The following SUSD1 variants were observed in gnomAD, a reference collection of about 807,000 sequenced individuals.
SUSD1 encodes sushi domain containing 1, also known as sushi domain-containing protein 1.
SUSD1 carries 65 observed loss-of-function variants against 86.9 expected under a neutral mutation model. That is an observed-to-expected ratio of 0.75 (90% CI 0.61 to 0.92). The LOEUF is 0.92. Ranked by LOEUF, SUSD1 falls within the 40% of genes least tolerant of loss-of-function variation. SUSD1 has a pLI of 0.00. For missense variants in SUSD1, 850 were observed against 929.7 expected (o/e 0.91, Z 1.11); for synonymous variants, 346 against 350.0 (o/e 0.99, Z 0.13).
intron 2 of SUSD1, among the ~76,000 whole-genome samples, chr9:112,154,766 A>T (rs1196015177): frequency 1.3e-5 from 2 of 152,164 alleles, no homozygotes; most frequent in African/African-American, 4.8e-5. Context: ...GGCGTCTAGA[A>T]TTCTCAAGAC....
intron 14 of SUSD1, among the ~76,000 whole-genome samples, chr9:112,053,013 C>T (rs1391983746): frequency 6.6e-6 from 1 of 152,066 alleles, no homozygotes; most frequent in Non-Finnish European, 1.5e-5. Flanking sequence ...ATCTCTTCCC[C>T]CCTGTCATTA....
At chr9:112,059,014 G>A (rs1390805517) in intron 13 of SUSD1, among the ~76,000 whole-genome samples, 3 of 152,130 alleles carry the variant, frequency 2.0e-5, no homozygotes, top group Non-Finnish European at 2.9e-5. Flanking sequence ...GGCTTGTCTC[G>A]ATCTCTTGAC....
chr9:112,143,671 G>GAAAAAAAA, intron 3 of SUSD1, 48 bp from the exon 4 acceptor site: 1 of 1,329,802 alleles, frequency 7.5e-7, no homozygotes, highest in Non-Finnish European at 1.0e-6. Flanking sequence ...ACAGAAAAAA[G>GAAAAAAAA]AAAAAAAAAA....
chr9:112,154,122 A>T (rs914457884), intron 2 of SUSD1, among the ~76,000 whole-genome samples: 1 of 152,156 alleles, frequency 6.6e-6, no homozygotes, highest in Non-Finnish European at 1.5e-5. Context: ...TAACCAAAAC[A>T]TCGTTATATG....
At chr9:112,142,139 G>A (rs530096421) in intron 5 of SUSD1, among the ~76,000 whole-genome samples, 181 bp downstream of exon 5, 1 of 152,104 alleles carries the variant, frequency 6.6e-6, no homozygotes. Context: ...ATTATGATTT[G>A]CAGATGATAT....
intron 10 of SUSD1, among the ~76,000 whole-genome samples, chr9:112,083,424 C>T (rs1829850269): frequency 6.6e-6 from 1 of 152,064 alleles, no homozygotes; most frequent in Non-Finnish European, 1.5e-5. Context: ...AACAGGGTTT[C>T]ACCATGTTGG....
intron 1 of SUSD1, among the ~76,000 whole-genome samples, chr9:112,158,388 A>G (rs1415357529): frequency 1.3e-5 from 2 of 150,024 alleles, no homozygotes; most frequent in African/African-American, 2.5e-5. Context: ...CTTCCCCACT[A>G]CTCCATTTTT....
chr9:112,127,135 G>C (rs916052124), intron 5 of SUSD1, among the ~76,000 whole-genome samples: 1 of 152,166 alleles, frequency 6.6e-6, no homozygotes, highest in Admixed American at 6.5e-5. Flanking sequence ...ACTTTGGGAG[G>C]CCGAGGCAGG....
chr9:112,078,493 TC>T (rs1829618182), intron 12 of SUSD1, 44 bp downstream of exon 12: 1 of 1,562,752 alleles, frequency 6.4e-7, no homozygotes, highest in Non-Finnish European at 8.8e-7. Flanking sequence ...TATGAACAAT[TC>T]TGTGGTAACT....
intron 6 of SUSD1, among the ~76,000 whole-genome samples, chr9:112,115,315 G>GT (rs1461799781): frequency 6.6e-6 from 1 of 152,178 alleles, no homozygotes; most frequent in Non-Finnish European, 1.5e-5. Flanking sequence ...CCTAGATTCT[G>GT]TGTCCCACAT....
chr9:112,126,595 T>C (rs936248128), intron 5 of SUSD1, among the ~76,000 whole-genome samples: 3 of 152,178 alleles, frequency 2.0e-5, no homozygotes, highest in Admixed American at 2.0e-4. Flanking sequence ...AACAGAGCTA[T>C]TCAAGTTGAA....
chr9:112,088,954 A>G (rs1476380044), intron 10 of SUSD1, among the ~76,000 whole-genome samples: 4 of 152,226 alleles, frequency 2.6e-5, no homozygotes, highest in African/African-American at 9.6e-5. Context: ...AAAAAGTTTT[A>G]AAATTAGCTG....
In SUSD1 at chr9:112,052,379, T is replaced by C. The variant is rs753097479; in HGVS notation, c.2149+20A>G. 19 of 1,613,838 alleles carry C rather than the reference T, an allele frequency of 1.2e-5. No individual in the cohort carries two copies. The Admixed American group carries it at 2.7e-4, about 23-fold the overall frequency. On this transcript the variant is annotated intron_variant, in intron 15 of 16. Transcript: ENST00000374270. ...AGAAAAGAAATAAGGACAGCATTCA[T>C]AGGCAGAAAATAATTTTACCTTTCA... is the stretch of plus-strand genomic sequence containing the variant.
At chr9:112,097,173 A>G (rs888019338) in intron 10 of SUSD1, among the ~76,000 whole-genome samples, 1 of 151,804 alleles carries the variant, frequency 6.6e-6, no homozygotes, top group Non-Finnish European at 1.5e-5. Context: ...TAAAAATACA[A>G]AAATTAGCTG....
chr9:112,099,887 C>T (rs1180853575), intron 9 of SUSD1, among the ~76,000 whole-genome samples: 1 of 152,218 alleles, frequency 6.6e-6, no homozygotes, highest in Non-Finnish European at 1.5e-5. Flanking sequence ...AAGGTCCTTA[C>T]AGATAAACCA....
chr9:112,141,711 T>C (rs567453642), intron 5 of SUSD1, among the ~76,000 whole-genome samples: 1 of 146,428 alleles, frequency 6.8e-6, no homozygotes, highest in Non-Finnish European at 1.5e-5. Flanking sequence ...ATATATAATA[T>C]ATTACATGTA....
At chr9:112,152,234 T>C (rs1223023671) in intron 2 of SUSD1, among the ~76,000 whole-genome samples, 3 of 151,454 alleles carry the variant, frequency 2.0e-5, no homozygotes, top group Non-Finnish European at 4.4e-5. Flanking sequence ...CTTTCTTCAA[T>C]AATAAATTAA....
chr9:112,066,050 G>A (rs1828962913), intron 12 of SUSD1, among the ~76,000 whole-genome samples: 1 of 152,192 alleles, frequency 6.6e-6, no homozygotes, highest in Non-Finnish European at 1.5e-5. Context: ...GCTCAGGCAG[G>A]CCGAGTCACA....
rs573344560 is a variant in SUSD1 at position 112,041,727 on chromosome 9, C to T, written c.2243+140G>A. On this transcript the variant is annotated intron_variant, in intron 16 of 16. Transcript: ENST00000374270. ...GTACAGGGTTAGTCATGCCTTTCAC[C>T]GCTGAGTGTGCTCTGCTGAGCCAAG... The T allele has an allele frequency of 5.1e-6, 4 of 789,746 alleles. No individual in the cohort carries two copies. The African/African-American group carries it at 5.1e-5, about 10-fold the overall frequency. 48.9% of individuals were successfully genotyped at this position (789,746 alleles called of 1,614,324 possible). A position where few individuals can be genotyped will look rare whatever the true frequency, so the allele number is the denominator to read the frequency against.
Sources: allele counts gnomAD v4.1 joint callset (sites outside exome capture counted in the v4.1 genomes callset), GRCh38; gene constraint gnomAD v4.1.1; transcripts MANE v1.5; gene names NCBI Gene and HGNC (gene_info 2026-07-23, HGNC 2026-07-21).